Variants in USH2A observed in about 807,000 individuals in gnomAD.
USH2A encodes the protein Usher syndrome 2A (autosomal recessive, mild).
A neutral mutation model predicts 538.9 loss-of-function variants in USH2A; 443 were observed. That is an observed-to-expected ratio of 0.82 (90% confidence interval 0.76 to 0.89). The LOEUF (loss-of-function observed/expected upper bound fraction) is 0.89, where lower values mean the gene tolerates loss of function less well. Ranked by LOEUF, USH2A falls within the 40% of genes least tolerant of loss-of-function variation. USH2A has a pLI of 0.00. For missense variants in USH2A, 6,633 were observed against 6,324.8 expected (o/e 1.05, Z -1.65); for synonymous variants, 2,413 against 2,273.5 (o/e 1.06, Z -1.75).
chr1:216,001,474 C>T (rs535468107), intron 32 of USH2A, among the ~76,000 whole-genome samples: 1 of 152,256 alleles, frequency 6.6e-6, no homozygotes, highest in Non-Finnish European at 1.5e-5. Context: ...TTAAACTAAT[C>T]TGTAATATAC....
intron 45 of USH2A, 87 bp from the exon 46 acceptor site, chr1:215,844,583 A>G: frequency 3.6e-6 from 5 of 1,396,890 alleles, no homozygotes. Flanking sequence ...ATTTAGGTTT[A>G]GCAAAGGGTT....
intron 20 of USH2A, among the ~76,000 whole-genome samples, chr1:216,180,569 AG>A: frequency 6.6e-6 from 1 of 152,214 alleles, no homozygotes; most frequent in Non-Finnish European, 1.5e-5. Flanking sequence ...AGCTGAACAA[AG>A]CTCTTCTGAG....
Position 215,666,642 on chromosome 1 carries a change from C to T in USH2A, c.14133+4330G>A, listed in dbSNP as rs554958386. Among the ~76,000 whole-genome samples, 91 of 152,208 alleles carry T rather than the reference C, an allele frequency of 6.0e-4. 1 individual carries two copies. In the South Asian group the frequency reaches 0.018, roughly 31 times the overall value. Reference sequence around the variant, plus strand: ...AGCACCCAGAATGTTGTGAAATTTCCCCAGGTGATTCTAATGCACAAAGCT... The same window carrying T: ...AGCACCCAGAATGTTGTGAAATTTCTCCAGGTGATTCTAATGCACAAAGCT... On this transcript the variant is annotated intron_variant, in intron 64 of 71. Transcript: ENST00000307340.
At chr1:215,720,765 G>T (rs1659634998) in intron 61 of USH2A, among the ~76,000 whole-genome samples, 1 of 152,158 alleles carries the variant, frequency 6.6e-6, no homozygotes, top group South Asian at 2.1e-4. Context: ...TAAGAAATTA[G>T]CCAGAGAGTG....
intron 32 of USH2A, among the ~76,000 whole-genome samples, chr1:216,046,031 G>GTGTGTGTC (rs2030506067): frequency 6.6e-6 from 1 of 151,308 alleles, no homozygotes; most frequent in Non-Finnish European, 1.5e-5. Context: ...GTGTGTGTGT[G>GTGTGTGTC]TGTGTGTGTG....
At chr1:216,128,163 G>C (rs181969570) in intron 21 of USH2A, among the ~76,000 whole-genome samples, 2 of 152,216 alleles carry the variant, frequency 1.3e-5, no homozygotes. Context: ...TTCTTCACTT[G>C]TCTTGTTCAG....
chr1:215,724,325 C>T (rs1571623174), intron 61 of USH2A, among the ~76,000 whole-genome samples: 2 of 151,828 alleles, frequency 1.3e-5, no homozygotes, highest in African/African-American at 4.8e-5. Flanking sequence ...ATGGATGGAA[C>T]TAGAGGCCAT....
chr1:216,043,896 G>T (rs1474492349), intron 32 of USH2A, among the ~76,000 whole-genome samples: 1 of 151,944 alleles, frequency 6.6e-6, no homozygotes, highest in Non-Finnish European at 1.5e-5. Context: ...TCTTCCCCTG[G>T]CTGTATCTTT....
chr1:216,403,538 A>G (rs982141157), intron 3 of USH2A, among the ~76,000 whole-genome samples: 5 of 152,152 alleles, frequency 3.3e-5, no homozygotes, highest in Non-Finnish European at 5.9e-5. Flanking sequence ...CAAATAAAGA[A>G]TTTCCAGAAC....
intron 35 of USH2A, among the ~76,000 whole-genome samples, chr1:215,981,152 G>T (rs192485875): frequency 1.2e-4 from 18 of 151,930 alleles, no homozygotes; most frequent in Middle Eastern, 3.4e-3. Context: ...ATCTTGTTTG[G>T]GTATTATCTT....
rs527434323 is a variant in USH2A at position 216,410,327 on chromosome 1, T to C, written c.651+8187A>G. ...AGACCAAAAAAAACAGAACTACCAT[T>C]ATACCCAGCAATTCCATTCCTGCGT... On this transcript the variant is annotated intron_variant, in intron 3 of 71. Transcript: ENST00000307340. 2.0e-5 allele frequency among the ~76,000 whole-genome samples: 3 copies of C among 152,240 alleles called. No individual in the cohort carries two copies. The South Asian group carries it at 6.2e-4, about 32-fold the overall frequency.
Position 215,970,891 on chromosome 1 carries a change from ACT to A in USH2A, c.6806-117_6806-116del, listed in dbSNP as rs10569124. 131,527 of 1,044,980 alleles carry A rather than the reference ACT, an allele frequency of 0.13. 9,457 individuals carry two copies. The highest frequency in any genetic ancestry group is 0.24 in the African/African-American group (15,039 of 63,632). The allele number at this position is 1,044,980 out of a possible 1,614,324, so 64.7% of individuals were successfully genotyped here. Reference sequence around the variant, plus strand: ...GTTTCATGGAATCATTAAATCACAGACTCTGGTATTTCTCCTTGTCTAAACTC... The same window carrying A: ...GTTTCATGGAATCATTAAATCACAGACTGGTATTTCTCCTTGTCTAAACTC... On this transcript the variant is annotated intron_variant, in intron 35 of 71. Coordinates refer to ENST00000307340, the MANE Select transcript of USH2A (RefSeq NM_206933.4).
intron 9 of USH2A, among the ~76,000 whole-genome samples, chr1:216,321,490 G>A (rs922024097): frequency 3.3e-5 from 5 of 152,028 alleles, no homozygotes; most frequent in African/African-American, 7.2e-5. Context: ...TTCATCTAAC[G>A]ATGCTTTTGT....
chr1:216,272,280 A>G lies in USH2A; in HGVS notation c.1971+17000T>C, dbSNP rs377641063. Among the ~76,000 whole-genome samples the G allele has an allele frequency of 5.3e-5, 8 of 152,150 alleles. No individual in the cohort carries two copies. The East Asian group carries it at 9.7e-4, about 18-fold the overall frequency. On this transcript the variant is annotated intron_variant, in intron 11 of 71. Transcript: ENST00000307340. Reference sequence around the variant, plus strand: ...ATTTATTAGCAGAGCTGTTCATAAAACTGTAATTTTTTAATGTTTATAAAA... The same window carrying G: ...ATTTATTAGCAGAGCTGTTCATAAAGCTGTAATTTTTTAATGTTTATAAAA...
intron 9 of USH2A, among the ~76,000 whole-genome samples, chr1:216,309,046 A>T (rs947362369): frequency 6.6e-6 from 1 of 152,172 alleles, no homozygotes; most frequent in Admixed American, 6.5e-5. Context: ...CTACAGTTTT[A>T]AAAAAATAGC....
intron 11 of USH2A, among the ~76,000 whole-genome samples, chr1:216,272,180 TTAATA>T (rs1283860080): frequency 1.3e-5 from 2 of 152,152 alleles, no homozygotes; most frequent in African/African-American, 4.8e-5. Flanking sequence ...TTAAATGTCT[TTAATA>T]TATGTGAGGC....
At chr1:215,680,065 C>T in intron 62 of USH2A, 84 bp downstream of exon 62, 1 of 1,413,130 alleles carries the variant, frequency 7.1e-7, no homozygotes, top group Non-Finnish European at 1.0e-6. Context: ...GGGAGTTTTC[C>T]CACAGTGACC....
In USH2A at chr1:216,342,342, C is replaced by T. The variant is rs189240009; in HGVS notation, c.785-14688G>A. ...ATTATTAAAAAGTCAAGAAACAACA[C>T]GCTAGTGAGACTGTGGAGAAACAGG... On this transcript the variant is annotated intron_variant, in intron 4 of 71. Transcript: ENST00000307340. Among the ~76,000 whole-genome samples, 158 of 151,708 alleles carry T rather than the reference C, an allele frequency of 1.0e-3. 1 individual carries two copies. Among genetic ancestry groups the T allele is most frequent in the Middle Eastern group, 3.4e-3 (1 of 294 alleles).
rs572703704 is a variant in USH2A at position 216,277,517 on chromosome 1, T to C, written c.1971+11763A>G. On this transcript the variant is annotated intron_variant, in intron 11 of 71. Coordinates refer to ENST00000307340, the MANE Select transcript of USH2A (RefSeq NM_206933.4). ...GTACTCTATTCTCAGAGGTCCTCAT[T>C]AAACAGAAGTTATCCTGTTCTGTGT... Among the ~76,000 whole-genome samples, 57 of 152,238 alleles carry C rather than the reference T, an allele frequency of 3.7e-4. 1 individual carries two copies. The South Asian group carries it at 0.011, about 30-fold the overall frequency.
Sources: gnomAD v4.1 joint callset for allele counts (sites outside exome capture counted in the v4.1 genomes callset) on GRCh38, gnomAD v4.1.1 for gene constraint, MANE v1.5 for transcripts, NCBI Gene and HGNC (gene_info 2026-07-23, HGNC 2026-07-21) for gene names.